Variants in ZNF12 observed in about 807,000 individuals in gnomAD.
ZNF12 encodes zinc finger protein 12.
A neutral mutation model predicts 66.6 loss-of-function variants in ZNF12; 34 were observed. The ratio of observed to expected loss-of-function variants is 0.51; its 90% CI spans 0.39 to 0.68. The LOEUF (loss-of-function observed/expected upper bound fraction) is 0.68, where lower values mean the gene tolerates loss of function less well. ZNF12 is among the 30% of genes least tolerant of loss of function. The pLI is 0.00. For synonymous variants in ZNF12, 320 were observed against 278.9 expected (o/e 1.15, Z -1.47); for missense variants, 697 against 826.9 (o/e 0.84, Z 1.93).
chr7:6,701,005 T>C (rs1780234418), intron 2 of ZNF12: 1 of 152,272 alleles, frequency 6.6e-6, no homozygotes, highest in Non-Finnish European at 1.5e-5. Flanking sequence ...CGAGACAGGA[T>C]CTTGATCTGT....
chr7:6,697,386 TCTC>T lies in ZNF12; in HGVS notation c.188_190del (p.Gly63del), dbSNP rs768631159. On this transcript the variant is annotated inframe_deletion, in exon 4 of 5. Transcript: ENST00000405858. The surrounding 1 kb of genome is among the most constrained non-coding windows in gnomAD (Gnocchi z 6.1). ...TTCTCCTTCTACTATCCATGGCTCT[TCTC>T]CTTGCTCCAACTTGCTGATAACATC... 1.9e-6 allele frequency: 3 copies of T among 1,612,632 alleles called. No individual in the cohort carries two copies. Among genetic ancestry groups the T allele is most frequent in the South Asian group, 2.2e-5 (2 of 90,636 alleles).
In ZNF12 at chr7:6,688,826, C is replaced by T. The variant is rs1473053147; in HGVS notation, c.*2022G>A. The T allele has an allele frequency of 6.6e-6, 1 of 152,558 alleles. No individual in the cohort carries two copies. The highest frequency in any genetic ancestry group is 6.5e-5 in the Admixed American group (1 of 15,272). The allele number at this position is 152,558 out of a possible 1,614,324, so 9.5% of individuals were successfully genotyped here. A position where few individuals can be genotyped will look rare whatever the true frequency, so the allele number is the denominator to read the frequency against. On this transcript the variant is annotated 3_prime_UTR_variant, in exon 5 of 5. Coordinates refer to ENST00000405858, the MANE Select transcript of ZNF12 (RefSeq NM_016265.4). The surrounding 1 kb of genome is among the most constrained non-coding windows in gnomAD (Gnocchi z 4.3). Reference sequence around the variant, plus strand: ...CACTGTAGCAGTGGTATATGAATCACATAAATTACCTCCAACAAAATGTAT... The same window carrying T: ...CACTGTAGCAGTGGTATATGAATCATATAAATTACCTCCAACAAAATGTAT...
chr7:6,703,465 G>A (rs1780291223), intron 2 of ZNF12, among the ~76,000 whole-genome samples: 1 of 152,090 alleles, frequency 6.6e-6, no homozygotes, highest in African/African-American at 2.4e-5. Context: ...ACAATCGCGA[G>A]GTCAGAAAAT....
chr7:6,693,846 G>A (rs934950393), intron 4 of ZNF12, among the ~76,000 whole-genome samples: 1 of 152,130 alleles, frequency 6.6e-6, no homozygotes, highest in African/African-American at 2.4e-5. Context: ...TCCCACTCCT[G>A]AGTAGCATTT....
At chr7:6,701,501 G>A (rs1458837286) in intron 2 of ZNF12, among the ~76,000 whole-genome samples, 2 of 152,132 alleles carry the variant, frequency 1.3e-5, no homozygotes, top group African/African-American at 4.8e-5. Flanking sequence ...CATGACACAA[G>A]CTCCCAAAAG....
Position 6,697,589 on chromosome 7 carries a change from T to A in ZNF12, c.142+96A>T, listed in dbSNP as rs1424390704. The A allele has an allele frequency of 1.3e-6, 2 of 1,570,894 alleles. No homozygotes were observed. The highest frequency in any genetic ancestry group is 1.7e-6 in the Non-Finnish European group (2 of 1,152,378). ...GCCCTGCCTGGTGCCCAAAAACAGATTACTCACATTCGTCCCATCAAATTT... is the reference window on the plus strand; with the variant it reads ...GCCCTGCCTGGTGCCCAAAAACAGAATACTCACATTCGTCCCATCAAATTT... On this transcript the variant is annotated intron_variant, in intron 3 of 4. Coordinates refer to ENST00000405858, the MANE Select transcript of ZNF12 (RefSeq NM_016265.4). This position sits in a 1 kb window ranked among gnomAD's most constrained non-coding sequence, Gnocchi z 6.1.
intron 2 of ZNF12, among the ~76,000 whole-genome samples, chr7:6,704,740 C>CAAAAAAAAAAAAAAAAAAAA (rs949897713): frequency 3.1e-5 from 1 of 32,250 alleles, no homozygotes; most frequent in Non-Finnish European, 5.6e-5. Context: ...TACTTGGTCT[C>CAAAAAAAAAAAAAAAAAAAA]AAAAAAAAAA....
intron 2 of ZNF12, among the ~76,000 whole-genome samples, chr7:6,704,708 C>G (rs1780321609): frequency 7.6e-6 from 1 of 131,362 alleles, no homozygotes; most frequent in South Asian, 2.4e-4. Flanking sequence ...CCACTGCACT[C>G]CAGCCTGGTG....
At chr7:6,700,964 GTTCGTTTGTTCATTCA>G (rs1262940170) in intron 2 of ZNF12, 1 of 152,042 alleles carries the variant, frequency 6.6e-6, no homozygotes, top group Non-Finnish European at 1.5e-5. Context: ...TTGTTCGTTT[GTTCGTTTGTTCATTCA>G]TTCATTCATT....
rs1487326227 is a variant in ZNF12 at position 6,705,191 on chromosome 7, A to T, written c.-18T>A. 6 of 1,613,760 alleles carry T rather than the reference A, an allele frequency of 3.7e-6. No homozygotes were observed. The South Asian group carries it at 5.5e-5, about 15-fold the overall frequency. On this transcript the variant is annotated 5_prime_UTR_variant, in exon 2 of 5. Transcript: ENST00000405858. The surrounding 1 kb of genome is among the most constrained non-coding windows in gnomAD (Gnocchi z 4.0). ...TTATTCATTTTCTGCTGCTCTTGGA[A>T]AAATCTGGAGGACTGTGAAAGCGGA...
rs1308764855 is a variant in ZNF12, at chr7:6,705,186, T to C, written c.-13A>G. 6.8e-6 allele frequency: 11 copies of C among 1,613,718 alleles called. No individual in the cohort carries two copies. The highest frequency in any genetic ancestry group is 8.5e-6 in the Non-Finnish European group (10 of 1,179,706). On this transcript the variant is annotated 5_prime_UTR_variant, in exon 2 of 5. Transcript: ENST00000405858. This position sits in a 1 kb window ranked among gnomAD's most constrained non-coding sequence, Gnocchi z 4.0. ...GGGATTTATTCATTTTCTGCTGCTC[T>C]TGGAAAAATCTGGAGGACTGTGAAA... is the stretch of plus-strand genomic sequence containing the variant.
rs934471003 is a variant in ZNF12 at position 6,705,600 on chromosome 7, C to T, written c.-50-377G>A. Among the ~76,000 whole-genome samples, 5 of 151,876 alleles carry T rather than the reference C, an allele frequency of 3.3e-5. No homozygotes were observed. Among genetic ancestry groups the T allele is most frequent in the African/African-American group, 4.8e-5 (2 of 41,354 alleles). On this transcript the variant is annotated intron_variant, in intron 1 of 4. Coordinates refer to ENST00000405858, the MANE Select transcript of ZNF12 (RefSeq NM_016265.4). This position sits in a 1 kb window ranked among gnomAD's most constrained non-coding sequence, Gnocchi z 4.0. Reference sequence around the variant, plus strand: ...TGGGCGTGGTGGCGGGCGCCTGTAACCCCAGCTACTCGGGAGGCTGAGGCA... The same window carrying T: ...TGGGCGTGGTGGCGGGCGCCTGTAATCCCAGCTACTCGGGAGGCTGAGGCA...
Position 6,690,850 on chromosome 7 carries a change from A to G in ZNF12, c.2092T>C (p.Ter698ArgextTer21). ...MNVIDVGRLL[*>R] ...CTGATATAAAATGAGGTCTGACTTC[A>G]GAGAAGCCTTCCCACATCTATTACA... Residue 698 changes from the stop codon to arginine, a stop_lost, in exon 5 of 5, where the codon TGA becomes CGA. Transcript: ENST00000405858. 2 of 1,605,142 alleles carry G rather than the reference A, an allele frequency of 1.2e-6. No individual in the cohort carries two copies. Among genetic ancestry groups the G allele is most frequent in the Non-Finnish European group, 1.7e-6 (2 of 1,175,486 alleles).
At chr7:6,701,964 A>C (rs979378594) in intron 2 of ZNF12, among the ~76,000 whole-genome samples, 1 of 151,996 alleles carries the variant, frequency 6.6e-6, no homozygotes, top group Non-Finnish European at 1.5e-5. Context: ...AAAAAAAAAA[A>C]AAAAAAATTC....
chr7:6,694,855 G>A (rs1343783613), intron 4 of ZNF12, among the ~76,000 whole-genome samples: 1 of 152,118 alleles, frequency 6.6e-6, no homozygotes, highest in Non-Finnish European at 1.5e-5. Flanking sequence ...TTAATACAAA[G>A]TGACTCAGCC....
In ZNF12 at chr7:6,692,499, G is replaced by A. The variant is rs774953808; in HGVS notation, c.443C>T (p.Thr148Met). The A allele has an allele frequency of 1.4e-5, 22 of 1,613,354 alleles. No individual in the cohort carries two copies. The highest frequency in any genetic ancestry group is 6.6e-5 in the South Asian group (6 of 90,892). The change falls in exon 5 of 5, where the codon ACG (threonine) becomes ATG (methionine). Residue 148 changes from threonine to methionine, a missense_variant. Around this residue, in one of 3 missense-constraint regions of ZNF12, gnomAD observed 241 missense variants for 224.0 expected, o/e 1.08. Coordinates refer to ENST00000405858, the MANE Select transcript of ZNF12 (RefSeq NM_016265.4). The surrounding 1 kb of genome is among the most constrained non-coding windows in gnomAD (Gnocchi z 5.1). The part of the protein sequence containing the change: ...SLCDSCEKCL[T>M]SVSEYISSDG... ...ACTACTAATATATTCTGAAACAGAC[G>A]TTAAACACTTTTCACATGAGTCACA...
At position 6,705,245 on chromosome 7, in the gene ZNF12, C is replaced by T; in HGVS notation, c.-50-22G>A. 6.2e-7 allele frequency: 1 copy of T among 1,601,534 alleles called. No homozygotes were observed. Among genetic ancestry groups the T allele is most frequent in the Non-Finnish European group, 8.5e-7 (1 of 1,170,682 alleles). On this transcript the variant is annotated intron_variant, in intron 1 of 4. Coordinates refer to ENST00000405858, the MANE Select transcript of ZNF12 (RefSeq NM_016265.4). This position sits in a 1 kb window ranked among gnomAD's most constrained non-coding sequence, Gnocchi z 4.0. ...AGATCTGGGGAAGGAAAACCCAAGCCATGGCGTTATGAGCGGTCTGGCCTG... is the reference window on the plus strand; with the variant it reads ...AGATCTGGGGAAGGAAAACCCAAGCTATGGCGTTATGAGCGGTCTGGCCTG...
chr7:6,697,567 C>G lies in ZNF12; in HGVS notation c.142+118G>C. 6.5e-7 allele frequency: 1 copy of G among 1,542,336 alleles called. No homozygotes were observed. On this transcript the variant is annotated intron_variant, in intron 3 of 4. Coordinates refer to ENST00000405858, the MANE Select transcript of ZNF12 (RefSeq NM_016265.4). This position sits in a 1 kb window ranked among gnomAD's most constrained non-coding sequence, Gnocchi z 6.1. ...CGGGGGAGATCAAGACCAAAATGCCCTGCCTGGTGCCCAAAAACAGATTAC... is the reference window on the plus strand; with the variant it reads ...CGGGGGAGATCAAGACCAAAATGCCGTGCCTGGTGCCCAAAAACAGATTAC...
rs1460530331 is a variant in ZNF12 at position 6,689,002 on chromosome 7, C to T, written c.*1846G>A. ...CTCAAACTATTTACGTCAAAATTTA[C>T]AGAAAATAAATCTCTATATCAACAG... is the stretch of plus-strand genomic sequence containing the variant. On this transcript the variant is annotated 3_prime_UTR_variant, in exon 5 of 5. Transcript: ENST00000405858. 1 of 152,628 alleles carries T rather than the reference C, an allele frequency of 6.6e-6. No homozygotes were observed. 9.5% of individuals were successfully genotyped at this position (152,628 alleles called of 1,614,324 possible). A position where few individuals can be genotyped will look rare whatever the true frequency, so the allele number is the denominator to read the frequency against.
Sources: allele counts gnomAD v4.1 joint callset (sites outside exome capture counted in the v4.1 genomes callset), GRCh38; gene constraint gnomAD v4.1.1; regional missense constraint gnomAD v4.1.1; non-coding constraint Gnocchi (gnomAD v3.1); transcripts MANE v1.5; gene names NCBI Gene and HGNC (gene_info 2026-07-23, HGNC 2026-07-21).